The following CSMD2 variants were observed in gnomAD, a reference collection of about 807,000 sequenced individuals.
CSMD2 encodes CUB and sushi domain-containing protein 2.
A neutral mutation model predicts 398.5 loss-of-function variants in CSMD2; 130 were observed. The observed-to-expected ratio is 0.33, with a 90% CI of 0.28 to 0.38. The LOEUF is 0.38. Ranked by LOEUF, CSMD2 falls within the 10% of genes least tolerant of loss-of-function variation. The pLI is 1.00. For synonymous variants in CSMD2, 1,828 were observed against 1,908.5 expected (o/e 0.96, Z 1.10); for missense variants, 3,829 against 4,764.9 (o/e 0.80, Z 5.78).
At chr1:33,732,880 C>G (rs1646766216) in intron 15 of CSMD2, among the ~76,000 whole-genome samples, 1 of 152,192 alleles carries the variant, frequency 6.6e-6, no homozygotes, top group Non-Finnish European at 1.5e-5. Context: ...CTTTTGCTTC[C>G]CCTGTGTGTT....
rs1434024769 is a variant in CSMD2 at position 33,533,866 on chromosome 1, C to A, written c.9921G>T (p.Leu3307=). The A allele has an allele frequency of 1.2e-6, 2 of 1,614,102 alleles. No homozygotes were observed. Among genetic ancestry groups the A allele is most frequent in the Non-Finnish European group, 8.5e-7 (1 of 1,179,982 alleles). ...AGGTCCTGGTGGTGGAGCCCTGAAG[C>A]AGGTAGCCTTTTTGACAACGGAAGA... ...TVLFRCQKGY[L]LQGSTTRTCL... is the part of the protein sequence containing the mutation. Residue 3307 remains leucine, a synonymous_variant, in exon 63 of 71, where the codon CTG becomes CTT. Coordinates refer to ENST00000373381, the MANE Select transcript of CSMD2 (RefSeq NM_001281956.2). The surrounding 1 kb of genome is among the most constrained non-coding windows in gnomAD (Gnocchi z 4.2).
intron 22 of CSMD2, 66 bp from the exon 23 acceptor site, chr1:33,700,739 T>TA: frequency 6.5e-7 from 1 of 1,527,492 alleles, no homozygotes; most frequent in Admixed American, 1.7e-5. Flanking sequence ...AACACCTCCT[T>TA]ACCCCACAAC....
At chr1:33,996,674 A>G (rs1646736851) in intron 3 of CSMD2, among the ~76,000 whole-genome samples, 1 of 152,138 alleles carries the variant, frequency 6.6e-6, no homozygotes, top group South Asian at 2.1e-4. Flanking sequence ...GGAAGATCAA[A>G]TTAGATAAAT....
chr1:34,010,476 A>G (rs1166816684), intron 3 of CSMD2, among the ~76,000 whole-genome samples: 3 of 152,130 alleles, frequency 2.0e-5, no homozygotes, highest in African/African-American at 7.2e-5. Flanking sequence ...TGTTAGTCTC[A>G]TTTTATAAAC....
At chr1:33,738,991 C>A in intron 15 of CSMD2, 149 bp downstream of exon 15, 3 of 643,056 alleles carry the variant, frequency 4.7e-6, no homozygotes, top group Middle Eastern at 4.4e-4. Context: ...CCCTGCTATT[C>A]CAGCATGAGG....
intron 9 of CSMD2, 114 bp from the exon 10 acceptor site, chr1:33,810,978 T>C: frequency 1.7e-6 from 2 of 1,196,496 alleles, no homozygotes; most frequent in South Asian, 1.4e-5. Context: ...ACCCTGGACA[T>C]AACCTTCTGC....
chr1:34,057,500 C>T (rs889291597), intron 2 of CSMD2, among the ~76,000 whole-genome samples: 1 of 152,166 alleles, frequency 6.6e-6, no homozygotes, highest in African/African-American at 2.4e-5. Flanking sequence ...AACACTACAG[C>T]ACCTTACACT....
intron 25 of CSMD2, among the ~76,000 whole-genome samples, chr1:33,666,677 C>G (rs1340105388): frequency 6.6e-6 from 1 of 151,994 alleles, no homozygotes; most frequent in Non-Finnish European, 1.5e-5. Flanking sequence ...AAACCAGGAC[C>G]TGTGTAAGGC....
intron 3 of CSMD2, among the ~76,000 whole-genome samples, chr1:33,982,701 G>C (rs1646214436): frequency 6.6e-6 from 1 of 152,180 alleles, no homozygotes; most frequent in Admixed American, 6.5e-5. Flanking sequence ...GGATATCCCT[G>C]GCAGAGGGAG....
At chr1:33,945,765 A>G (rs1372827518) in intron 3 of CSMD2, among the ~76,000 whole-genome samples, 4 of 152,098 alleles carry the variant, frequency 2.6e-5, no homozygotes, top group African/African-American at 9.7e-5. Context: ...CCTGCGGCCT[A>G]TGTGAACCTC....
intron 3 of CSMD2, among the ~76,000 whole-genome samples, chr1:33,993,192 AT>A (rs1461757501): frequency 6.6e-6 from 1 of 152,222 alleles, no homozygotes; most frequent in African/African-American, 2.4e-5. Context: ...GCATCAATCC[AT>A]GAACCCTATA....
chr1:33,633,310 G>C lies in CSMD2; in HGVS notation c.5200+112C>G. Reference sequence around the variant, plus strand: ...AGCACCAGAACACGACAGGCACGCAGAGCCGTAGGGTTCCACCTGCGGCCA... The same window carrying C: ...AGCACCAGAACACGACAGGCACGCACAGCCGTAGGGTTCCACCTGCGGCCA... On this transcript the variant is annotated intron_variant, in intron 32 of 70. Coordinates refer to ENST00000373381, the MANE Select transcript of CSMD2 (RefSeq NM_001281956.2). The surrounding 1 kb of genome is among the most constrained non-coding windows in gnomAD (Gnocchi z 5.0). 1 of 765,812 alleles carries C rather than the reference G, an allele frequency of 1.3e-6. No individual in the cohort carries two copies. Among genetic ancestry groups the C allele is most frequent in the African/African-American group, 1.7e-5 (1 of 58,060 alleles). 47.4% of individuals were successfully genotyped at this position (765,812 alleles called of 1,614,324 possible). A position where few individuals can be genotyped will look rare whatever the true frequency, so the allele number is the denominator to read the frequency against.
chr1:33,792,675 C>T (rs752209011), intron 10 of CSMD2, 149 bp from the exon 11 acceptor site: 10 of 638,478 alleles, frequency 1.6e-5, no homozygotes, highest in Non-Finnish European at 2.8e-5. Flanking sequence ...TTCTGTCCCA[C>T]TTTAATGAGT....
chr1:33,924,700 CTGT>C (rs1453039516), intron 4 of CSMD2, among the ~76,000 whole-genome samples: 1 of 152,132 alleles, frequency 6.6e-6, no homozygotes, highest in Non-Finnish European at 1.5e-5. Flanking sequence ...TTGCCAACAT[CTGT>C]TGTTTTTTGC....
chr1:33,617,371 A>G (rs1469428470), intron 38 of CSMD2, 128 bp downstream of exon 38: 4 of 698,968 alleles, frequency 5.7e-6, no homozygotes, highest in Non-Finnish European at 1.0e-5. Context: ...CCAGGAGAGG[A>G]TAATGGTACC....
intron 2 of CSMD2, among the ~76,000 whole-genome samples, chr1:34,065,897 C>G (rs1655055366): frequency 6.6e-6 from 1 of 152,120 alleles, no homozygotes; most frequent in Non-Finnish European, 1.5e-5. Context: ...GGGAGAGAGT[C>G]CCTGGCTGTC....
intron 42 of CSMD2, among the ~76,000 whole-genome samples, chr1:33,604,498 C>T (rs1640450659): frequency 6.6e-6 from 1 of 152,144 alleles, no homozygotes; most frequent in African/African-American, 2.4e-5. Flanking sequence ...GAGGAAGAAC[C>T]TGAAGCTTAG....
At chr1:33,899,775 A>T (rs1433449897) in intron 5 of CSMD2, among the ~76,000 whole-genome samples, 6 of 152,222 alleles carry the variant, frequency 3.9e-5, no homozygotes, top group African/African-American at 7.2e-5. Context: ...TCAGAAAGCT[A>T]AGTGACTTGC....
At chr1:33,735,916 A>G (rs959108377) in intron 15 of CSMD2, among the ~76,000 whole-genome samples, 2 of 152,224 alleles carry the variant, frequency 1.3e-5, no homozygotes, top group Admixed American at 1.3e-4. Context: ...AGAGGAGCCA[A>G]GAAGGGACAG....
Sources: gnomAD v4.1 joint callset for allele counts (sites outside exome capture counted in the v4.1 genomes callset) on GRCh38, gnomAD v4.1.1 for gene constraint, Gnocchi (gnomAD v3.1) non-coding constraint, MANE v1.5 for transcripts, NCBI Gene and HGNC (gene_info 2026-07-23, HGNC 2026-07-21) for gene names.